CACNA1C: variants seen among roughly 807,000 people sequenced by gnomAD.
The protein encoded by CACNA1C is calcium voltage-gated channel subunit alpha1 C.
A neutral mutation model predicts 229.0 loss-of-function variants in CACNA1C; 30 were observed. That is an observed-to-expected ratio of 0.13 (90% CI 0.10 to 0.18). CACNA1C has a LOEUF of 0.18. Ranked by LOEUF, CACNA1C falls within the 10% of genes least tolerant of loss-of-function variation. CACNA1C has a pLI of 1.00. For synonymous variants in CACNA1C, 1,114 were observed against 1,132.5 expected (o/e 0.98, Z 0.33); for missense variants, 1,658 against 2,845.0 (o/e 0.58, Z 9.49).
intron 3 of CACNA1C, among the ~76,000 whole-genome samples, chr12:2,331,984 A>G (rs897140211): frequency 5.9e-5 from 9 of 152,202 alleles, no homozygotes; most frequent in African/African-American, 1.9e-4. Context: ...TTTTTTTGGT[A>G]TAAAGGGCAT....
rs2097125148 is a variant in CACNA1C, at chr12:2,348,818, G to A, written c.478-100158G>A. Among the ~76,000 whole-genome samples, 1 of 152,130 alleles carries A rather than the reference G, an allele frequency of 6.6e-6. No homozygotes were observed. Among genetic ancestry groups the A allele is most frequent in the Non-Finnish European group, 1.5e-5 (1 of 68,024 alleles). ...CATGGCTGGACTTCCCAGACACAGG[G>A]TGGGGCTGTTGGATGTTACCCGTCA... On this transcript the variant is annotated intron_variant, in intron 3 of 46. Coordinates refer to ENST00000399655, the MANE Select transcript of CACNA1C (RefSeq NM_000719.7). This position sits in a 1 kb window ranked among gnomAD's most constrained non-coding sequence, Gnocchi z 4.7.
intron 3 of CACNA1C, among the ~76,000 whole-genome samples, chr12:2,366,331 A>G (rs552195005): frequency 6.6e-6 from 1 of 152,378 alleles, no homozygotes; most frequent in Non-Finnish European, 1.5e-5. Context: ...TTATTTATAA[A>G]AATAACTATG....
chr12:2,566,894 C>G lies in CACNA1C; in HGVS notation c.1669+312C>G, dbSNP rs1362375561. Among the ~76,000 whole-genome samples, 2 of 152,198 alleles carry G rather than the reference C, an allele frequency of 1.3e-5. No individual in the cohort carries two copies. The highest frequency in any genetic ancestry group is 3.8e-4 in the East Asian group (2 of 5,196). On this transcript the variant is annotated intron_variant, in intron 12 of 46. Coordinates refer to ENST00000399655, the MANE Select transcript of CACNA1C (RefSeq NM_000719.7). The surrounding 1 kb of genome is among the most constrained non-coding windows in gnomAD (Gnocchi z 4.0). ...TTTGCCTATCTCAGACTCCTGGCTG[C>G]CAACTCCCCAGCATGGATTTTAAAT...
At position 2,633,962 on chromosome 12, in the gene CACNA1C, C is replaced by T. The variant is rs981979448; in HGVS notation, c.3829-335C>T. ...GGCGCTGCCGGGCTGGGGCGTGGAGCTGAGCAGAGGGAGTGGCGGTGCAGG... is the reference window on the plus strand; with the variant it reads ...GGCGCTGCCGGGCTGGGGCGTGGAGTTGAGCAGAGGGAGTGGCGGTGCAGG... On this transcript the variant is annotated intron_variant, in intron 29 of 46. Transcript: ENST00000399655. The surrounding 1 kb of genome is among the most constrained non-coding windows in gnomAD (Gnocchi z 5.8). 7.9e-5 allele frequency among the ~76,000 whole-genome samples: 12 copies of T among 152,168 alleles called. No individual in the cohort carries two copies. The highest frequency in any genetic ancestry group is 1.3e-4 in the Non-Finnish European group (9 of 68,034).
chr12:2,626,073 CTCATTGTGGGAAGTGAAGGCGGTCTA>C (rs1367742158), intron 29 of CACNA1C, among the ~76,000 whole-genome samples: 1 of 152,244 alleles, frequency 6.6e-6, no homozygotes, highest in Non-Finnish European at 1.5e-5. Flanking sequence ...CAACCCGAGG[CTCATTGTGGGAAGTGAAGGCGGTCTA>C]TCATTTTATT....
chr12:2,372,439 C>T (rs988952510), intron 3 of CACNA1C, among the ~76,000 whole-genome samples: 6 of 152,148 alleles, frequency 3.9e-5, no homozygotes, highest in African/African-American at 1.4e-4. Context: ...ATCAGGTTGA[C>T]TCGTTGCACC....
At chr12:2,420,371 G>A (rs1297971685) in intron 3 of CACNA1C, among the ~76,000 whole-genome samples, 1 of 152,144 alleles carries the variant, frequency 6.6e-6, no homozygotes, top group Non-Finnish European at 1.5e-5. Context: ...CTGTGGGAGG[G>A]ATGGTGTGGT....
At chr12:2,494,384 T>C (rs1348780775) in intron 7 of CACNA1C, among the ~76,000 whole-genome samples, 9 of 152,258 alleles carry the variant, frequency 5.9e-5, no homozygotes, top group Admixed American at 5.9e-4. Flanking sequence ...TTCTTCATAG[T>C]GTCTCCAACT....
rs550301896 is a variant in CACNA1C, at chr12:2,278,055, C to T, written c.477+157625C>T. 2.0e-5 allele frequency among the ~76,000 whole-genome samples: 3 copies of T among 152,364 alleles called. No homozygotes were observed. The East Asian group carries it at 5.8e-4, about 29-fold the overall frequency. On this transcript the variant is annotated intron_variant, in intron 3 of 46. Transcript: ENST00000399655. ...TGCAGTGAGGGCCAATCTCAGTCCT[C>T]ATGATCTGCACTGGGGACAGAAGCC...
intron 3 of CACNA1C, among the ~76,000 whole-genome samples, chr12:2,153,482 T>C (rs887936828): frequency 6.6e-6 from 1 of 152,072 alleles, no homozygotes; most frequent in African/African-American, 2.4e-5. Flanking sequence ...CATTCCCCCT[T>C]CCCCCAGCCC....
upstream of CACNA1C, among the ~76,000 whole-genome samples, chr12:2,052,747 C>T (rs899499765): frequency 6.9e-6 from 1 of 145,778 alleles, no homozygotes; most frequent in African/African-American, 2.5e-5. Context: ...GCGGAGGGCT[C>T]GCTCGGGCGG....
intron 3 of CACNA1C, among the ~76,000 whole-genome samples, chr12:2,157,294 A>G (rs1054625197): frequency 1.8e-4 from 27 of 152,236 alleles, no homozygotes; most frequent in African/African-American, 6.0e-4. Flanking sequence ...ATTGAAAAAA[A>G]TTAATTAGAC....
In CACNA1C at chr12:2,593,179, G is replaced by A. The variant is rs141278139; in HGVS notation, c.2531-34G>A. ...AAGTGGTAAAATAAGTGGGAGTGCTGGAGTTATTTAGAATGGTGCTGTTCT... is the reference window on the plus strand; with the variant it reads ...AAGTGGTAAAATAAGTGGGAGTGCTAGAGTTATTTAGAATGGTGCTGTTCT... On this transcript the variant is annotated intron_variant, in intron 18 of 46. Transcript: ENST00000399655. 4.3e-4 allele frequency: 685 copies of A among 1,602,208 alleles called. 2 individuals carry two copies. In the East Asian group the frequency reaches 7.7e-3, roughly 18 times the overall value.
intron 1 of CACNA1C, among the ~76,000 whole-genome samples, chr12:2,018,745 G>C (rs1361045300): frequency 6.6e-6 from 1 of 152,202 alleles, no homozygotes; most frequent in East Asian, 1.9e-4. Context: ...CAGGTAGCTT[G>C]ACTTAATATA....
intron 1 of CACNA1C, among the ~76,000 whole-genome samples, chr12:2,032,136 G>A (rs557980640): frequency 6.6e-6 from 1 of 152,094 alleles, no homozygotes; most frequent in Non-Finnish European, 1.5e-5. Flanking sequence ...CGGCAGTCTC[G>A]GTAACCGGAG....
chr12:2,027,926 T>C (rs1273877128), intron 1 of CACNA1C, among the ~76,000 whole-genome samples: 1 of 152,248 alleles, frequency 6.6e-6, no homozygotes, highest in Non-Finnish European at 1.5e-5. Context: ...AGGGGCCCAC[T>C]GGGCTGGTAG....
chr12:1,988,590 C>T (rs1278402673), intron 1 of CACNA1C, among the ~76,000 whole-genome samples: 2 of 152,282 alleles, frequency 1.3e-5, no homozygotes, highest in South Asian at 2.1e-4. Flanking sequence ...CTATCTCTTT[C>T]GTAAAATGGA....
Position 2,227,609 on chromosome 12 carries a change from C to T in CACNA1C, c.477+107179C>T, listed in dbSNP as rs141637951. Among the ~76,000 whole-genome samples, 437 of 152,346 alleles carry T rather than the reference C, an allele frequency of 2.9e-3. 1 individual carries two copies. Among genetic ancestry groups the T allele is most frequent in the African/African-American group, 9.4e-3 (392 of 41,582 alleles). ...TTATCTGTTCAAGGTCATTGGATGA[C>T]TTGCTAAGAACTAGGCAGAAGCCAA... On this transcript the variant is annotated intron_variant, in intron 3 of 46. Transcript: ENST00000399655.
chr12:2,032,345 C>A (rs1018126262), intron 1 of CACNA1C, among the ~76,000 whole-genome samples: 2 of 152,128 alleles, frequency 1.3e-5, no homozygotes, highest in Non-Finnish European at 2.9e-5. Context: ...TTTGGGTGTA[C>A]CCTAGGGGCA....
Sources: allele counts gnomAD v4.1 joint callset (sites outside exome capture counted in the v4.1 genomes callset), GRCh38; gene constraint gnomAD v4.1.1; non-coding constraint Gnocchi (gnomAD v3.1); transcripts MANE v1.5; gene names NCBI Gene and HGNC (gene_info 2026-07-23, HGNC 2026-07-21).